Variants in NALCN observed in about 807,000 individuals in gnomAD.
NALCN encodes sodium leak channel NALCN.
A neutral mutation model predicts 225.3 loss-of-function variants in NALCN; 111 were observed. That is an observed-to-expected ratio of 0.49 (90% CI 0.42 to 0.58). The LOEUF (loss-of-function observed/expected upper bound fraction) is 0.58. NALCN is among the 20% of genes least tolerant of loss of function. The pLI, the probability that NALCN is intolerant of heterozygous loss-of-function variation, is 0.00. For missense variants in NALCN, 1,378 were observed against 2,202.4 expected, an observed-to-expected ratio of 0.63 and a Z score of 7.49; for synonymous variants, 764 against 769.0, an observed-to-expected ratio of 0.99 and a Z score of 0.11.
rs1258619435 is a variant in NALCN, at chr13:101,054,138, C to CAAGT, written c.*1156_*1157insACTT. On this transcript the variant is annotated 3_prime_UTR_variant, in exon 44 of 44. Coordinates refer to ENST00000251127, the MANE Select transcript of NALCN (RefSeq NM_052867.4). ...GTCCACTTCTACTTGGCTGGCCCAG[C>CAAGT]ACAAGAAATCTAACAGCACTTTGTA... 2.4e-4 allele frequency: 37 copies of CAAGT among 152,128 alleles called. No individual in the cohort carries two copies. Among genetic ancestry groups the CAAGT allele is most frequent in the Admixed American group, 2.1e-3 (32 of 15,282 alleles). The allele number at this position is 152,128 out of a possible 1,614,324, so 9.4% of individuals were successfully genotyped here. A position where few individuals can be genotyped will look rare whatever the true frequency, so the allele number is the denominator to read the frequency against.
At chr13:101,058,162 A>C in intron 42 of NALCN, 106 bp from the exon 43 acceptor site, 1 of 923,584 alleles carries the variant, frequency 1.1e-6, no homozygotes. Flanking sequence ...TGGGAAGAAC[A>C]ACATGGACTC....
intron 7 of NALCN, among the ~76,000 whole-genome samples, chr13:101,332,598 A>G (rs952262526): frequency 3.3e-5 from 5 of 152,166 alleles, no homozygotes; most frequent in Non-Finnish European, 1.5e-5. Flanking sequence ...AGTACACAGG[A>G]AGCAGAAATA....
chr13:101,372,225 G>C (rs922379203), intron 6 of NALCN, among the ~76,000 whole-genome samples: 1 of 152,090 alleles, frequency 6.6e-6, no homozygotes, highest in African/African-American at 2.4e-5. Flanking sequence ...AAATAAGAGA[G>C]ATTGAAAATT....
At chr13:101,409,705 A>C (rs2047724399) in intron 1 of NALCN, among the ~76,000 whole-genome samples, 1 of 152,250 alleles carries the variant, frequency 6.6e-6, no homozygotes, top group South Asian at 2.1e-4. Context: ...TACTATATTT[A>C]AACATAACAG....
intron 37 of NALCN, among the ~76,000 whole-genome samples, chr13:101,069,502 T>C (rs2139446470): frequency 6.6e-6 from 1 of 152,352 alleles, no homozygotes; most frequent in East Asian, 1.9e-4. Flanking sequence ...TGCCTCAATG[T>C]TGACAGCTGC....
chr13:101,285,584 C>T lies in NALCN; in HGVS notation c.1048-1565G>A, dbSNP rs2043311298. Among the ~76,000 whole-genome samples, 9 of 152,086 alleles carry T rather than the reference C, an allele frequency of 5.9e-5. No homozygotes were observed. In the South Asian group the frequency reaches 1.9e-3, roughly 32 times the overall value. On this transcript the variant is annotated intron_variant, in intron 9 of 43. Transcript: ENST00000251127. Reference sequence around the variant, plus strand: ...GCCTCCTATATGTATTTTTAAATGACAAAATTAAGGTGCACATTTACATAA... The same window carrying T: ...GCCTCCTATATGTATTTTTAAATGATAAAATTAAGGTGCACATTTACATAA...
intron 17 of NALCN, among the ~76,000 whole-genome samples, chr13:101,128,482 T>C (rs114662213): frequency 0.019 from 2,884 of 152,280 alleles, 104 homozygotes; most frequent in African/African-American, 0.067. Flanking sequence ...TTCTAATTAA[T>C]CTACATGTTA....
chr13:101,367,113 CTTTTTTTATT>C (rs1006050596), intron 6 of NALCN, among the ~76,000 whole-genome samples: 5 of 151,662 alleles, frequency 3.3e-5, no homozygotes, highest in South Asian at 4.2e-4. Context: ...GACAGAATTT[CTTTTTTTATT>C]TTTTTTTATT....
intron 27 of NALCN, among the ~76,000 whole-genome samples, chr13:101,096,704 G>T (rs1389995878): frequency 6.6e-6 from 1 of 152,136 alleles, no homozygotes; most frequent in African/African-American, 2.4e-5. Context: ...CTTGAAGTGG[G>T]TGTATTGTGT....
At chr13:101,159,343 C>G (rs1003712514) in intron 15 of NALCN, among the ~76,000 whole-genome samples, 8 of 152,150 alleles carry the variant, frequency 5.3e-5, no homozygotes, top group African/African-American at 1.9e-4. Flanking sequence ...GACCCCAGCT[C>G]TAGTGCCAGA....
At chr13:101,189,555 A>G (rs1263233376) in intron 14 of NALCN, among the ~76,000 whole-genome samples, 1 of 152,206 alleles carries the variant, frequency 6.6e-6, no homozygotes, top group Non-Finnish European at 1.5e-5. Flanking sequence ...CAACAGAGAG[A>G]TCAGGGAAGT....
chr13:101,186,900 G>A (rs1327641920), intron 14 of NALCN, among the ~76,000 whole-genome samples: 1 of 152,178 alleles, frequency 6.6e-6, no homozygotes, highest in Non-Finnish European at 1.5e-5. Context: ...GAGAATATTT[G>A]TATTACCTCA....
intron 7 of NALCN, among the ~76,000 whole-genome samples, chr13:101,330,268 G>A (rs978355734): frequency 1.1e-4 from 17 of 152,036 alleles, no homozygotes. Flanking sequence ...CAGAGAGTTT[G>A]GGAGAATATA....
Position 101,206,727 on chromosome 13 carries a change from A to AATAT in NALCN, c.1627-14677_1627-14674dup, listed in dbSNP as rs3062610. Among the ~76,000 whole-genome samples, 180 of 147,132 alleles carry AATAT rather than the reference A, an allele frequency of 1.2e-3. 1 individual carries two copies. The highest frequency in any genetic ancestry group is 0.011 in the East Asian group (55 of 5,072). ...AATAATTCAAACAACAGGTTTTTTA[A>AATAT]ATATATATATATATATATACACATA... On this transcript the variant is annotated intron_variant, in intron 13 of 43. Coordinates refer to ENST00000251127, the MANE Select transcript of NALCN (RefSeq NM_052867.4).
At chr13:101,409,563 A>G (rs888318443) in intron 1 of NALCN, among the ~76,000 whole-genome samples, 2 of 152,138 alleles carry the variant, frequency 1.3e-5, no homozygotes, top group African/African-American at 4.8e-5. Context: ...AGCTGCTACT[A>G]TCATTTATAT....
Position 101,089,956 on chromosome 13 carries a change from G to C in NALCN, c.3280C>G (p.Arg1094Gly), listed in dbSNP as rs751042388. ...FWVPRVWANP[R>G]NFNFDNVGNA... The stretch of plus-strand genomic sequence containing the variant: ...CCCACATTGTCGAAATTAAAGTTCC[G>C]AGGATTCGCCCTGCGATTCCAATAC... The change falls in exon 29 of 44, where the codon CGG becomes GGG. Residue 1094 changes from arginine (R) to glycine (G), a missense_variant. By Grantham distance (125) the Arg-to-Gly change is moderately radical. Transcript: ENST00000251127. This position sits in a 1 kb window ranked among gnomAD's most constrained non-coding sequence, Gnocchi z 4.7. The C allele has an allele frequency of 6.2e-7, 1 of 1,613,826 alleles. No individual in the cohort carries two copies. The highest frequency in any genetic ancestry group is 1.1e-5 in the South Asian group (1 of 91,058).
chr13:101,165,755 C>T (rs887889351), intron 15 of NALCN, among the ~76,000 whole-genome samples: 7 of 152,230 alleles, frequency 4.6e-5, no homozygotes, highest in South Asian at 2.1e-4. Context: ...GGATTACAGG[C>T]GTGAGCCACC....
chr13:101,358,339 C>A (rs1326288544), intron 6 of NALCN, among the ~76,000 whole-genome samples: 1 of 151,880 alleles, frequency 6.6e-6, no homozygotes, highest in African/African-American at 2.4e-5. Flanking sequence ...GAAATGTAAA[C>A]AAATTTGCAA....
intron 18 of NALCN, 135 bp from the exon 19 acceptor site, chr13:101,111,361 T>C (rs372482889): frequency 2.0e-5 from 13 of 654,014 alleles, no homozygotes; most frequent in African/African-American, 2.0e-4. Flanking sequence ...TAACGTATAA[T>C]TATAAAGGAA....
Sources: gnomAD v4.1 joint callset for allele counts (sites outside exome capture counted in the v4.1 genomes callset) on GRCh38, gnomAD v4.1.1 for gene constraint, Gnocchi (gnomAD v3.1) non-coding constraint, MANE v1.5 for transcripts, NCBI Gene and HGNC (gene_info 2026-07-23, HGNC 2026-07-21) for gene names.